Variants in PCLO observed in about 807,000 individuals in gnomAD.
PCLO encodes protein piccolo.
A neutral mutation model predicts 427.5 loss-of-function variants in PCLO; 82 were observed. The ratio of observed to expected loss-of-function variants is 0.19; its 90% CI spans 0.16 to 0.23. The LOEUF is 0.23. Among genes scored for constraint, PCLO ranks in the 10% least tolerant of loss-of-function variants. The pLI, the probability that PCLO is intolerant of heterozygous loss-of-function variation, is 1.00. For missense variants in PCLO, 6,239 were observed against 6,115.9 expected, an observed-to-expected ratio of 1.02 and a Z score of -0.67; for synonymous variants, 2,357 against 2,155.4, an observed-to-expected ratio of 1.09 and a Z score of -2.59.
chr7:82,883,373 C>T (rs1428288479), intron 9 of PCLO, among the ~76,000 whole-genome samples: 1 of 152,070 alleles, frequency 6.6e-6, no homozygotes, highest in Non-Finnish European at 1.5e-5. Context: ...CTCTGTGTTA[C>T]AAATTATACA....
intron 9 of PCLO, among the ~76,000 whole-genome samples, chr7:82,890,567 T>C (rs1046801253): frequency 1.3e-5 from 2 of 152,026 alleles, no homozygotes; most frequent in Non-Finnish European, 2.9e-5. Context: ...TTAAAATAGA[T>C]TTAACGTTAT....
chr7:82,925,430 C>G (rs1379876929), intron 6 of PCLO, among the ~76,000 whole-genome samples: 1 of 152,084 alleles, frequency 6.6e-6, no homozygotes, highest in Non-Finnish European at 1.5e-5. Flanking sequence ...TTTAAATAGA[C>G]TGGAAGCAGA....
At chr7:82,873,121 T>C (rs1400977872) in intron 10 of PCLO, among the ~76,000 whole-genome samples, 4 of 151,616 alleles carry the variant, frequency 2.6e-5, no homozygotes, top group African/African-American at 4.8e-5. Flanking sequence ...CATGGTAAAA[T>C]TGTAAGACAA....
At chr7:82,838,122 T>C in intron 15 of PCLO, 96 bp downstream of exon 15, 1 of 824,712 alleles carries the variant, frequency 1.2e-6, no homozygotes. Context: ...GAAAAGATAA[T>C]AAAGTCAATT....
At chr7:83,144,442 T>A (rs1196468159) in intron 2 of PCLO, among the ~76,000 whole-genome samples, 2 of 152,054 alleles carry the variant, frequency 1.3e-5, no homozygotes, top group Non-Finnish European at 2.9e-5. Context: ...TAAAAATATA[T>A]GAAATCCTTA....
intron 4 of PCLO, among the ~76,000 whole-genome samples, chr7:82,962,336 G>GT (rs1403117464): frequency 1.3e-5 from 2 of 151,970 alleles, no homozygotes; most frequent in South Asian, 2.1e-4. Context: ...ATGGGGAAAT[G>GT]TTTTTTATTT....
At chr7:83,094,210 C>CT (rs767490139) in intron 3 of PCLO, among the ~76,000 whole-genome samples, 9,397 of 125,740 alleles carry the variant, frequency 0.075, 585 homozygotes, top group South Asian at 0.11. Flanking sequence ...ATTTTTTTTT[C>CT]TTTTTTTTTT....
In PCLO at chr7:82,956,579, G is replaced by T. The variant is rs755009311; in HGVS notation, c.4374C>A (p.Thr1458=). The change falls in exon 5 of 25, where the codon ACC becomes ACA. Residue 1458 remains threonine, a synonymous_variant. Coordinates refer to ENST00000333891, the MANE Select transcript of PCLO (RefSeq NM_033026.6). Reference sequence around the variant, plus strand: ...CCTCTTCTGAAATAGTAATTTCCAAGGTTTCAGATAAACTCTGAGTTTTCT... The same window carrying T: ...CCTCTTCTGAAATAGTAATTTCCAATGTTTCAGATAAACTCTGAGTTTTCT... The part of the protein sequence containing the change: ...DQEKTQSLSE[T]LEITISEEEI... 2 of 1,612,694 alleles carry T rather than the reference G, an allele frequency of 1.2e-6. No homozygotes were observed. The highest frequency in any genetic ancestry group is 1.1e-5 in the South Asian group (1 of 90,912).
At chr7:82,938,872 A>T (rs867498825) in intron 6 of PCLO, among the ~76,000 whole-genome samples, 20 of 152,164 alleles carry the variant, frequency 1.3e-4, no homozygotes, top group Middle Eastern at 3.4e-3. Flanking sequence ...TTTATCAGAA[A>T]ATGTGTTAAA....
At chr7:83,142,813 G>T (rs895142855) in intron 2 of PCLO, among the ~76,000 whole-genome samples, 1 of 152,084 alleles carries the variant, frequency 6.6e-6, no homozygotes, top group Non-Finnish European at 1.5e-5. Flanking sequence ...ACAAAAATCA[G>T]CCCGGCATGC....
intron 3 of PCLO, among the ~76,000 whole-genome samples, chr7:82,999,732 T>C (rs182515907): frequency 1.4e-5 from 1 of 69,814 alleles, no homozygotes; most frequent in Non-Finnish European, 3.1e-5. Context: ...TAATATTAAA[T>C]ATAAAATATA....
intron 3 of PCLO, among the ~76,000 whole-genome samples, chr7:83,024,178 T>C (rs1369070668): frequency 6.6e-6 from 1 of 152,180 alleles, no homozygotes; most frequent in Non-Finnish European, 1.5e-5. Flanking sequence ...GATTTCTGCA[T>C]TTCCATCTGA....
rs1791035629 is a variant in PCLO, at chr7:83,112,658, C to T, written c.3300+21592G>A. Among the ~76,000 whole-genome samples the T allele has an allele frequency of 1.3e-5, 2 of 152,098 alleles. 1 individual carries two copies. Among genetic ancestry groups the T allele is most frequent in the South Asian group, 4.1e-4 (2 of 4,826 alleles). On this transcript the variant is annotated intron_variant, in intron 3 of 24. Transcript: ENST00000333891. ...ATACTCATTTTAAGCCAATTTATGA[C>T]AAAACTTCTCTCCAGAAAGCTCTTT...
chr7:83,104,124 C>A (rs192153228), intron 3 of PCLO, among the ~76,000 whole-genome samples: 1,552 of 122,766 alleles, frequency 0.013, 21 homozygotes, highest in African/African-American at 0.043. Context: ...AAAAAGGGAA[C>A]AACATTTTCT....
intron 3 of PCLO, among the ~76,000 whole-genome samples, chr7:83,015,791 A>C (rs1788191932): frequency 6.6e-6 from 1 of 152,080 alleles, no homozygotes; most frequent in Non-Finnish European, 1.5e-5. Flanking sequence ...TTCTTTTTTA[A>C]AGTTTGTTTT....
At position 82,966,270 on chromosome 7, in the gene PCLO, A is replaced by G. The variant is rs761053170; in HGVS notation, c.3518T>C (p.Leu1173Pro). 3 of 1,612,210 alleles carry G rather than the reference A, an allele frequency of 1.9e-6. No individual in the cohort carries two copies. The highest frequency in any genetic ancestry group is 2.5e-6 in the Non-Finnish European group (3 of 1,179,474). The change falls in exon 4 of 25, where the codon CTG becomes CCG. Residue 1173 changes from leucine (L) to proline (P), a missense_variant. This residue lies in a region of PCLO where 4,677 missense variants were observed against 4,468.4 expected (regional missense o/e 1.05). Transcript: ENST00000333891. ...EVKTEAEKVILEKVKETLSME... is the reference protein window; with the variant it reads ...EVKTEAEKVIPEKVKETLSME... ...TGATAGTGTTTCCTTTACTTTTTCCAGAATGACTTTTTCAGCTTCCGTTTT... is the reference window on the plus strand; with the variant it reads ...TGATAGTGTTTCCTTTACTTTTTCCGGAATGACTTTTTCAGCTTCCGTTTT...
chr7:83,128,224 G>A (rs1435389695), intron 3 of PCLO, among the ~76,000 whole-genome samples: 1 of 151,606 alleles, frequency 6.6e-6, no homozygotes, highest in African/African-American at 2.4e-5. Context: ...GATGTAAAAC[G>A]AAATGGCTTG....
chr7:83,141,852 T>C (rs1156661735), intron 2 of PCLO, among the ~76,000 whole-genome samples: 1 of 152,200 alleles, frequency 6.6e-6, no homozygotes, highest in Non-Finnish European at 1.5e-5. Context: ...AGCTATTGAT[T>C]ACCAAAAAAT....
chr7:83,023,928 C>A (rs1788410127), intron 3 of PCLO, among the ~76,000 whole-genome samples: 1 of 152,148 alleles, frequency 6.6e-6, no homozygotes. Flanking sequence ...TTCTGGAATG[C>A]ATACCAAACA....
Sources: allele counts gnomAD v4.1 joint callset (sites outside exome capture counted in the v4.1 genomes callset), GRCh38; gene constraint gnomAD v4.1.1; regional missense constraint gnomAD v4.1.1; transcripts MANE v1.5; gene names NCBI Gene and HGNC (gene_info 2026-07-23, HGNC 2026-07-21).